SLITRK5: variants seen among roughly 807,000 people sequenced by gnomAD.
SLITRK5 encodes SLIT and NTRK-like protein 5.
A neutral mutation model predicts 56.2 loss-of-function variants in SLITRK5; 23 were observed. That is an observed-to-expected ratio of 0.41 (90% CI 0.29 to 0.58). The LOEUF (loss-of-function observed/expected upper bound fraction) is 0.58. SLITRK5 is among the 20% of genes least tolerant of loss of function. The pLI, the probability that SLITRK5 is intolerant of heterozygous loss-of-function variation, is 0.30. For synonymous variants in SLITRK5, 637 were observed against 531.8 expected (o/e 1.20, Z -2.72); for missense variants, 1,289 against 1,226.6 (o/e 1.05, Z -0.76).
Position 87,676,186 on chromosome 13 carries a change from C to A in SLITRK5, c.798C>A (p.Thr266=). Residue 266 remains threonine (T), a synonymous_variant, in exon 2 of 2, where the codon ACC becomes ACA. Coordinates refer to ENST00000683689, the MANE Select transcript of SLITRK5 (RefSeq NM_001384609.1). ...SALVGDVVCE[T]PFRLHGRDLD... Reference sequence around the variant, plus strand: ...TGGTGGGGGATGTAGTTTGTGAGACCCCCTTCCGCTTACACGGAAGGGACT... The same window carrying A: ...TGGTGGGGGATGTAGTTTGTGAGACACCCTTCCGCTTACACGGAAGGGACT... The A allele has an allele frequency of 6.2e-7, 1 of 1,614,064 alleles. No homozygotes were observed. Among genetic ancestry groups the A allele is most frequent in the Non-Finnish European group, 8.5e-7 (1 of 1,180,010 alleles).
At chr13:87,675,003 T>C (rs1877207273) in intron 1 of SLITRK5, among the ~76,000 whole-genome samples, 1 of 151,824 alleles carries the variant, frequency 6.6e-6, no homozygotes, top group Non-Finnish European at 1.5e-5. Flanking sequence ...CCTTGTAAAA[T>C]GGTGCTTCTT....
In SLITRK5 at chr13:87,675,540, C is replaced by A. The variant is rs1338203946; in HGVS notation, c.152C>A (p.Ala51Glu). The A allele has an allele frequency of 6.2e-7, 1 of 1,614,204 alleles. No individual in the cohort carries two copies. The highest frequency in any genetic ancestry group is 8.5e-7 in the Non-Finnish European group (1 of 1,180,036). The change falls in exon 2 of 2, where the codon GCA (alanine) becomes GAA (glutamate). Residue 51 changes from alanine (A) to glutamate (E), a missense_variant. By Grantham distance (107) the Ala-to-Glu change is moderately radical (BLOSUM62 -1). This residue lies in a region of SLITRK5 where 291 missense variants were observed against 286.7 expected (regional missense o/e 1.02). Coordinates refer to ENST00000683689, the MANE Select transcript of SLITRK5 (RefSeq NM_001384609.1). ...TATTATGGGGAAATCTGTGACAATG[C>A]ATGTCCTTGTGAGGAAAAGGACGGC... ...IDYYGEICDNACPCEEKDGIL... is the reference protein window; with the variant it reads ...IDYYGEICDNECPCEEKDGIL...
At position 87,675,251 on chromosome 13, in the gene SLITRK5, A is replaced by AG. The variant is rs961517720; in HGVS notation, c.-8-128dup. 46 of 624,292 alleles carry AG rather than the reference A, an allele frequency of 7.4e-5. No individual in the cohort carries two copies. In the African/African-American group the frequency reaches 8.5e-4, roughly 12 times the overall value. The allele number at this position is 624,292 out of a possible 1,614,324, so 38.7% of individuals were successfully genotyped here. On this transcript the variant is annotated intron_variant, in intron 1 of 1. Transcript: ENST00000683689. ...GAGAATGTCAATGTTTCACTTGGGGAGGTGTGTCATTTGTATCTCTTCCTT... is the reference window on the plus strand; with the variant it reads ...GAGAATGTCAATGTTTCACTTGGGGAGGGTGTGTCATTTGTATCTCTTCCTT...
At position 87,678,212 on chromosome 13, in the gene SLITRK5, G is replaced by A. The variant is rs1312357713; in HGVS notation, c.2824G>A (p.Glu942Lys). Reference sequence around the variant, plus strand: ...GGAGTTAAAAGCAAAACTAAACGTTGAGCCGGACTACCTCGAAGTGCTGGA... The same window carrying A: ...GGAGTTAAAAGCAAAACTAAACGTTAAGCCGGACTACCTCGAAGTGCTGGA... ...YLELKAKLNV[E>K]PDYLEVLEKQ... Residue 942 changes from glutamate to lysine, a missense_variant, in exon 2 of 2, where the codon GAG (glutamate) becomes AAG (lysine). Transcript: ENST00000683689. The A allele has an allele frequency of 1.2e-6, 2 of 1,614,148 alleles. No individual in the cohort carries two copies. Among genetic ancestry groups the A allele is most frequent in the Non-Finnish European group, 1.7e-6 (2 of 1,180,036 alleles).
At chr13:87,672,253 G>A (rs1877064714) in intron 1 of SLITRK5, among the ~76,000 whole-genome samples, 44 bp downstream of exon 1, 1 of 152,114 alleles carries the variant, frequency 6.6e-6, no homozygotes, top group Non-Finnish European at 1.5e-5. Context: ...AGGCTGCCAG[G>A]GACCCCGCGA....
chr13:87,674,370 T>C (rs1877179677), intron 1 of SLITRK5: 1 of 984,882 alleles, frequency 1.0e-6, no homozygotes, highest in African/African-American at 1.7e-5. Flanking sequence ...CGTGCAAACC[T>C]TGCTATTACC....
rs113077003 is a variant in SLITRK5, at chr13:87,676,296, C to A, written c.908C>A (p.Thr303Lys). The A allele has an allele frequency of 6.2e-6, 10 of 1,614,100 alleles. No individual in the cohort carries two copies. Among genetic ancestry groups the A allele is most frequent in the Non-Finnish European group, 8.5e-6 (10 of 1,180,016 alleles). The change falls in exon 2 of 2, where the codon ACG becomes AAG. Residue 303 changes from threonine (T) to lysine (K), a missense_variant. Physicochemically the swap from Thr to Lys is moderately conservative, Grantham distance 78. Around this residue, in one of 3 missense-constraint regions of SLITRK5, gnomAD observed 985 missense variants for 906.0 expected, o/e 1.09. Transcript: ENST00000683689. ...EMRPQTPLST[T>K]GYLHTTPASV... ...AGGCCGCAGACGCCTTTGAGCACCACGGGGTATTTACACACCACCCCGGCG... is the reference window on the plus strand; with the variant it reads ...AGGCCGCAGACGCCTTTGAGCACCAAGGGGTATTTACACACCACCCCGGCG...
intron 1 of SLITRK5, chr13:87,672,540 C>T (rs1877079108): frequency 6.6e-6 from 1 of 151,918 alleles, no homozygotes. Flanking sequence ...CAGAACGCCC[C>T]CCGCTCTCCA....
In SLITRK5 at chr13:87,678,216, C is replaced by A. The variant is rs1320276903; in HGVS notation, c.2828C>A (p.Pro943Gln). 15 of 1,613,938 alleles carry A rather than the reference C, an allele frequency of 9.3e-6. No individual in the cohort carries two copies. The highest frequency in any genetic ancestry group is 1.3e-5 in the Non-Finnish European group (15 of 1,179,984). The change falls in exon 2 of 2, where the codon CCG (proline) becomes CAG (glutamine). Residue 943 changes from proline (P) to glutamine (Q), a missense_variant. This residue lies in a region of SLITRK5 where 985 missense variants were observed against 906.0 expected (regional missense o/e 1.09). Transcript: ENST00000683689. ...LELKAKLNVE[P>Q]DYLEVLEKQT... The stretch of plus-strand genomic sequence containing the variant: ...TTAAAAGCAAAACTAAACGTTGAGC[C>A]GGACTACCTCGAAGTGCTGGAAAAA...
chr13:87,676,630 G>A lies in SLITRK5; in HGVS notation c.1242G>A (p.Met414Ile), dbSNP rs1877288115. 1.2e-6 allele frequency: 2 copies of A among 1,613,990 alleles called. No homozygotes were observed. Among genetic ancestry groups the A allele is most frequent in the African/African-American group, 1.3e-5 (1 of 75,032 alleles). Residue 414 changes from methionine (M) to isoleucine (I), a missense_variant, in exon 2 of 2, where the codon ATG (methionine) becomes ATA (isoleucine). This residue lies in a region of SLITRK5 where 985 missense variants were observed against 906.0 expected (regional missense o/e 1.09). Transcript: ENST00000683689. Reference protein sequence around the residue: ...LQPKPYNPKKMYLTENYIAVV... With the variant: ...LQPKPYNPKKIYLTENYIAVV... ...CCAAGCCCTACAATCCCAAGAAAAT[G>A]TATCTGACAGAGAACTACATCGCTG...
At chr13:87,675,089 G>T (rs1877210242) in intron 1 of SLITRK5, among the ~76,000 whole-genome samples, 2 of 151,442 alleles carry the variant, frequency 1.3e-5, no homozygotes, top group Non-Finnish European at 2.9e-5. Context: ...TGAAAAGGGG[G>T]GGAGAAGAGA....
rs146253274 is a variant in SLITRK5, at chr13:87,677,951, T to C, written c.2563T>C (p.Tyr855His). The change falls in exon 2 of 2, where the codon TAC becomes CAC. Residue 855 changes from tyrosine (Y) to histidine (H), a missense_variant. This residue lies in a region of SLITRK5 where 985 missense variants were observed against 906.0 expected (regional missense o/e 1.09). Coordinates refer to ENST00000683689, the MANE Select transcript of SLITRK5 (RefSeq NM_001384609.1). The surrounding 1 kb of genome is among the most constrained non-coding windows in gnomAD (Gnocchi z 4.7). ...LSPVQDADRF[Y>H]RGILEPDKHC... ...GCCGGTGCAGGACGCCGACCGCTTTTACAGGGGCATTTTAGAACCAGACAA... is the reference window on the plus strand; with the variant it reads ...GCCGGTGCAGGACGCCGACCGCTTTCACAGGGGCATTTTAGAACCAGACAA... The C allele has an allele frequency of 6.2e-7, 1 of 1,613,944 alleles. No homozygotes were observed.
chr13:87,677,925 C>T lies in SLITRK5; in HGVS notation c.2537C>T (p.Ser846Leu). 1 of 1,613,786 alleles carries T rather than the reference C, an allele frequency of 6.2e-7. No individual in the cohort carries two copies. ...STIEPREDLL[S>L]PVQDADRFYR... ...ATCGAGCCCCGGGAGGACCTGCTGTCGCCGGTGCAGGACGCCGACCGCTTT... is the reference window on the plus strand; with the variant it reads ...ATCGAGCCCCGGGAGGACCTGCTGTTGCCGGTGCAGGACGCCGACCGCTTT... Residue 846 changes from serine to leucine, a missense_variant, in exon 2 of 2, where the codon TCG becomes TTG. Ser to Leu is a moderately radical substitution (Grantham distance 145). This residue lies in a region of SLITRK5 where 985 missense variants were observed against 906.0 expected (regional missense o/e 1.09). Transcript: ENST00000683689. The surrounding 1 kb of genome is among the most constrained non-coding windows in gnomAD (Gnocchi z 4.7).
In SLITRK5 at chr13:87,677,668, C is replaced by T. The variant is rs767132441; in HGVS notation, c.2280C>T (p.Cys760=). The part of the protein sequence containing the change: ...EYIPHPLGHM[C]KNPIYRSREG... ...TCCCCCACCCACTGGGCCACATGTG[C>T]AAAAACCCCATCTACCGCTCCCGAG... is the stretch of plus-strand genomic sequence containing the variant. The change falls in exon 2 of 2, where the codon TGC becomes TGT. Residue 760 remains cysteine (C), a synonymous_variant. Coordinates refer to ENST00000683689, the MANE Select transcript of SLITRK5 (RefSeq NM_001384609.1). This position sits in a 1 kb window ranked among gnomAD's most constrained non-coding sequence, Gnocchi z 4.7. The T allele has an allele frequency of 1.2e-6, 2 of 1,606,112 alleles. No individual in the cohort carries two copies. Among genetic ancestry groups the T allele is most frequent in the East Asian group, 4.5e-5 (2 of 44,592 alleles).
rs1422117808 is a variant in SLITRK5, at chr13:87,676,329, A to G, written c.941A>G (p.Asn314Ser). 6.2e-7 allele frequency: 1 copy of G among 1,613,968 alleles called. No individual in the cohort carries two copies. The highest frequency in any genetic ancestry group is 8.5e-7 in the Non-Finnish European group (1 of 1,180,022). Residue 314 changes from asparagine to serine, a missense_variant, in exon 2 of 2, where the codon AAT becomes AGT. This residue lies in a region of SLITRK5 where 985 missense variants were observed against 906.0 expected (regional missense o/e 1.09). Transcript: ENST00000683689. ...GYLHTTPASV[N>S]SVATSSSAVY... ...TTACACACCACCCCGGCGTCAGTGA[A>G]TTCTGTGGCCACTTCTTCCTCTGCT...
At chr13:87,674,338 G>T in intron 1 of SLITRK5, 2 of 955,700 alleles carry the variant, frequency 2.1e-6, no homozygotes, top group Non-Finnish European at 2.5e-6. Flanking sequence ...CAAAGATGGG[G>T]ATGCTGTCGA....
Position 87,678,122 on chromosome 13 carries a change from C to A in SLITRK5, c.2734C>A (p.Arg912=). ...CCCGGGGGCAGGGGACAGCAGGCTACGGGAACCGGTGCTCTACAGCCCCCC... is the reference window on the plus strand; with the variant it reads ...CCCGGGGGCAGGGGACAGCAGGCTAAGGGAACCGGTGCTCTACAGCCCCCC... ...LHPGAGDSRL[R]EPVLYSPPSA... Residue 912 remains arginine, a synonymous_variant, in exon 2 of 2, where the codon CGG becomes AGG. Transcript: ENST00000683689. 2 of 1,614,246 alleles carry A rather than the reference C, an allele frequency of 1.2e-6. No homozygotes were observed. The highest frequency in any genetic ancestry group is 1.7e-6 in the Non-Finnish European group (2 of 1,180,040).
chr13:87,673,476 G>T, intron 1 of SLITRK5: 1 of 810,820 alleles, frequency 1.2e-6, no homozygotes, highest in Non-Finnish European at 1.8e-6. Flanking sequence ...GGGGTGGGAG[G>T]TGAATGGGGG....
In SLITRK5 at chr13:87,676,736, G is replaced by A. The variant is rs748595556; in HGVS notation, c.1348G>A (p.Asp450Asn). The change falls in exon 2 of 2, where the codon GAC (aspartate) becomes AAC (asparagine). Residue 450 changes from aspartate to asparagine, a missense_variant. Coordinates refer to ENST00000683689, the MANE Select transcript of SLITRK5 (RefSeq NM_001384609.1). ...LGNNRISMIQ[D>N]RAFGDLTNLR... Reference sequence around the variant, plus strand: ...GAATAACCGCATCTCGATGATCCAGGACCGCGCTTTCGGGGATCTCACCAA... The same window carrying A: ...GAATAACCGCATCTCGATGATCCAGAACCGCGCTTTCGGGGATCTCACCAA... 1.9e-6 allele frequency: 3 copies of A among 1,614,072 alleles called. No individual in the cohort carries two copies. The highest frequency in any genetic ancestry group is 2.5e-6 in the Non-Finnish European group (3 of 1,180,026).
Sources: allele counts gnomAD v4.1 joint callset (sites outside exome capture counted in the v4.1 genomes callset), GRCh38; gene constraint gnomAD v4.1.1; regional missense constraint gnomAD v4.1.1; non-coding constraint Gnocchi (gnomAD v3.1); transcripts MANE v1.5; gene names NCBI Gene and HGNC (gene_info 2026-07-23, HGNC 2026-07-21).